Variants in IL34 observed in about 807,000 individuals in gnomAD.
IL34 encodes the protein interleukin-34.
In IL34, 17 loss-of-function variants were observed where a neutral mutation model predicts 25.3. That is an observed-to-expected ratio of 0.67 (90% confidence interval 0.46 to 1.01). The LOEUF (loss-of-function observed/expected upper bound fraction) is 1.01, where lower values mean the gene tolerates loss of function less well. Ranked by LOEUF, IL34 falls within the 50% of genes least tolerant of loss-of-function variation. IL34 has a pLI of 0.00. For synonymous variants in IL34, 174 were observed against 140.9 expected, an observed-to-expected ratio of 1.23 and a Z score of -1.66; for missense variants, 368 against 312.9, an observed-to-expected ratio of 1.18 and a Z score of -1.33.
chr16:70,640,910 T>C (rs189517507), intron 1 of IL34, among the ~76,000 whole-genome samples: 2 of 152,280 alleles, frequency 1.3e-5, no homozygotes, highest in Non-Finnish European at 2.9e-5. Flanking sequence ...AGTTTTGCTT[T>C]TTCCAGAAAA....
At chr16:70,633,462 C>T (rs1278390435) in intron 1 of IL34, among the ~76,000 whole-genome samples, 1 of 151,848 alleles carries the variant, frequency 6.6e-6, no homozygotes, top group Non-Finnish European at 1.5e-5. Flanking sequence ...ACGTGGTCTC[C>T]CTATGTTGCC....
intron 1 of IL34, among the ~76,000 whole-genome samples, chr16:70,628,518 G>A (rs2051446354): frequency 6.7e-6 from 1 of 149,428 alleles, no homozygotes; most frequent in Non-Finnish European, 1.5e-5. Flanking sequence ...ACAGAGTCTT[G>A]CTCTGTTGCC....
At chr16:70,612,739 AAGAT>A (rs1196580711) in intron 1 of IL34, among the ~76,000 whole-genome samples, 1 of 126,576 alleles carries the variant, frequency 7.9e-6, no homozygotes, top group African/African-American at 5.7e-5. Context: ...CAGCTTCCCC[AAGAT>A]CAGCTTCCCC....
intron 1 of IL34, among the ~76,000 whole-genome samples, chr16:70,624,542 C>T (rs952265680): frequency 2.0e-5 from 3 of 152,034 alleles, no homozygotes; most frequent in South Asian, 4.1e-4. Context: ...GGCTGTAAAG[C>T]GTCTCAAGGT....
At chr16:70,649,600 G>C (rs1228865701) in intron 1 of IL34, among the ~76,000 whole-genome samples, 1 of 152,050 alleles carries the variant, frequency 6.6e-6, no homozygotes, top group African/African-American at 2.4e-5. Flanking sequence ...CTCGGGTTCG[G>C]GTGAATGTGG....
Position 70,654,594 on chromosome 16 carries a change from T to C in IL34, c.85T>C (p.Leu29=). The C allele has an allele frequency of 1.2e-6, 2 of 1,613,722 alleles. No individual in the cohort carries two copies. ...GAATGAGCCTTTGGAGATGTGGCCC[T>C]TGACGCAGAATGAGGAGTGCACTGT... ...LGNEPLEMWP[L]TQNEECTVTG... is the part of the protein sequence containing the mutation. Residue 29 remains leucine, a synonymous_variant, in exon 2 of 6, where the codon TTG becomes CTG. Coordinates refer to ENST00000288098, the MANE Select transcript of IL34 (RefSeq NM_001393494.1).
intron 1 of IL34, among the ~76,000 whole-genome samples, chr16:70,640,381 T>G (rs1185919192): frequency 1.3e-5 from 2 of 152,160 alleles, no homozygotes; most frequent in Admixed American, 6.5e-5. Context: ...CACAGCACTT[T>G]GGGAGGCCGA....
At chr16:70,632,514 G>T (rs1055789648) in intron 1 of IL34, among the ~76,000 whole-genome samples, 1 of 152,138 alleles carries the variant, frequency 6.6e-6, no homozygotes, top group Non-Finnish European at 1.5e-5. Context: ...AGAGGAGCTG[G>T]GCCAATGCTT....
chr16:70,659,289 G>C (rs1038761098), intron 4 of IL34, among the ~76,000 whole-genome samples: 1 of 152,238 alleles, frequency 6.6e-6, no homozygotes, highest in East Asian at 1.9e-4. Context: ...TTTTCCCCAG[G>C]TCAGGGGGTC....
At chr16:70,580,443 C>CTG (rs1017432803) in intron 1 of IL34, among the ~76,000 whole-genome samples, 14 of 152,194 alleles carry the variant, frequency 9.2e-5, no homozygotes, top group Non-Finnish European at 1.2e-4. Context: ...CCTTAATGTA[C>CTG]TGTGTGTGTG....
upstream of IL34, among the ~76,000 whole-genome samples, chr16:70,645,364 G>A (rs905969604): frequency 6.6e-5 from 10 of 152,172 alleles, no homozygotes; most frequent in African/African-American, 2.4e-4. Context: ...ATCACACAAT[G>A]AAGAAGATGC....
intron 1 of IL34, among the ~76,000 whole-genome samples, chr16:70,593,290 A>G (rs2050778026): frequency 1.3e-5 from 2 of 152,300 alleles, no homozygotes; most frequent in East Asian, 1.9e-4. Flanking sequence ...TTTAATTTTA[A>G]TAAAGTCTAA....
At chr16:70,609,052 A>G (rs938573834) in intron 1 of IL34, among the ~76,000 whole-genome samples, 1 of 151,872 alleles carries the variant, frequency 6.6e-6, no homozygotes, top group South Asian at 2.1e-4. Context: ...TTTTATTTTT[A>G]TTTATTTTTT....
At chr16:70,639,693 G>A (rs963999433) in intron 1 of IL34, among the ~76,000 whole-genome samples, 4 of 152,182 alleles carry the variant, frequency 2.6e-5, no homozygotes, top group African/African-American at 4.8e-5. Context: ...GGTGACTCAC[G>A]CCTCTAATCC....
chr16:70,591,126 C>T (rs1206187662), intron 1 of IL34, among the ~76,000 whole-genome samples: 1 of 152,246 alleles, frequency 6.6e-6, no homozygotes, highest in Non-Finnish European at 1.5e-5. Flanking sequence ...TTCAACGAGA[C>T]ACTCCTAATA....
intron 1 of IL34, among the ~76,000 whole-genome samples, chr16:70,627,555 C>T (rs1057357045): frequency 7.9e-5 from 12 of 151,692 alleles, no homozygotes; most frequent in Admixed American, 5.9e-4. Flanking sequence ...TATCTAGGCT[C>T]ACTGCAGCCT....
At chr16:70,628,469 TTTTATTTATTTA>T (rs765080002) in intron 1 of IL34, among the ~76,000 whole-genome samples, 1 of 149,916 alleles carries the variant, frequency 6.7e-6, no homozygotes, top group South Asian at 2.1e-4. Flanking sequence ...GTGGGTTTGT[TTTTATTTATTTA>T]TTTATTTATT....
At chr16:70,624,557 G>A (rs943470163) in intron 1 of IL34, among the ~76,000 whole-genome samples, 1 of 152,146 alleles carries the variant, frequency 6.6e-6, no homozygotes, top group African/African-American at 2.4e-5. Flanking sequence ...CAAGGTTGCA[G>A]CCAAACAAGT....
rs2151870645 is a variant in IL34 at position 70,646,965 on chromosome 16, C to T, written c.18C>T (p.Thr6=). ...ACACCACCATGCCCCGGGGCTTCACCTGGCTGCGCTGTGAGTACTGGGGGG... is the reference window on the plus strand; with the variant it reads ...ACACCACCATGCCCCGGGGCTTCACTTGGCTGCGCTGTGAGTACTGGGGGG... MPRGF[T]WLRYLGIFLG... Residue 6 remains threonine, a synonymous_variant, in exon 1 of 6, where the codon ACC becomes ACT. Transcript: ENST00000288098. The T allele has an allele frequency of 6.8e-7, 1 of 1,463,340 alleles. No homozygotes were observed. Among genetic ancestry groups the T allele is most frequent in the Non-Finnish European group, 9.0e-7 (1 of 1,115,372 alleles). 90.6% of individuals were successfully genotyped at this position (1,463,340 alleles called of 1,614,324 possible).
Sources: allele counts gnomAD v4.1 joint callset (sites outside exome capture counted in the v4.1 genomes callset), GRCh38; gene constraint gnomAD v4.1.1; transcripts MANE v1.5; gene names NCBI Gene and HGNC (gene_info 2026-07-23, HGNC 2026-07-21).